Variants in RAB44 observed in about 807,000 individuals in gnomAD.
The protein encoded by RAB44 is RAB44, member RAS oncogene family.
In RAB44, 67 loss-of-function variants were observed where a neutral mutation model predicts 93.3. The observed-to-expected ratio is 0.72, with a 90% CI of 0.59 to 0.88. The LOEUF is 0.88. RAB44 is among the 40% of genes least tolerant of loss of function. The probability of loss-of-function intolerance (pLI) is 0.00; values close to 1 mark genes in which losing one functional copy is unlikely to be tolerated. For missense variants in RAB44, 1,064 were observed against 1,261.7 expected, an observed-to-expected ratio of 0.84 and a Z score of 2.37; for synonymous variants, 427 against 520.3, an observed-to-expected ratio of 0.82 and a Z score of 2.44.
intron 3 of RAB44, among the ~76,000 whole-genome samples, chr6:36,715,131 G>A (rs1762884176): frequency 6.8e-6 from 1 of 147,326 alleles, no homozygotes; most frequent in Admixed American, 6.7e-5. Flanking sequence ...TTTTCAACTC[G>A]CACTAGAATG....
rs964901355 is a variant in RAB44, at chr6:36,721,236, G to A, written c.1102G>A (p.Asp368Asn). 97 of 1,234,420 alleles carry A rather than the reference G, an allele frequency of 7.9e-5. No individual in the cohort carries two copies. Among genetic ancestry groups the A allele is most frequent in the African/African-American group, 3.4e-4 (22 of 64,610 alleles). The allele number at this position is 1,234,420 out of a possible 1,614,324, so 76.5% of individuals were successfully genotyped here. A position where few individuals can be genotyped will look rare whatever the true frequency, so the allele number is the denominator to read the frequency against. ...APLPGLFGDN[D>N]DWDQLLSNFG... ...CCTGCCTGGGCTATTTGGGGACAAC[G>A]ATGACTGGGACCAGCTACTGAGCAA... Residue 368 changes from aspartate to asparagine, a missense_variant, in exon 9 of 14, where the codon GAT becomes AAT. Coordinates refer to ENST00000612677, the MANE Select transcript of RAB44 (RefSeq NM_001257357.2).
rs991539440 is a variant in RAB44 at position 36,717,180 on chromosome 6, G to A, written c.495-93G>A. ...CCCAGGTGCCAAAGTCTCTTGGAGC[G>A]CTGCAGTGAAAACTGAGGAGTGGGG... On this transcript the variant is annotated intron_variant, in intron 4 of 13. Coordinates refer to ENST00000612677, the MANE Select transcript of RAB44 (RefSeq NM_001257357.2). This position sits in a 1 kb window ranked among gnomAD's most constrained non-coding sequence, Gnocchi z 4.1. 5.5e-5 allele frequency: 64 copies of A among 1,167,290 alleles called. No homozygotes were observed. The East Asian group carries it at 8.0e-4, about 15-fold the overall frequency. The allele number at this position is 1,167,290 out of a possible 1,614,324, so 72.3% of individuals were successfully genotyped here. A position where few individuals can be genotyped will look rare whatever the true frequency, so the allele number is the denominator to read the frequency against.
At chr6:36,722,755 G>T (rs2150338715) in intron 9 of RAB44, 22 bp downstream of exon 9, 1 of 1,550,122 alleles carries the variant, frequency 6.5e-7, no homozygotes, top group Non-Finnish European at 8.7e-7. Context: ...GGGGAGGGCG[G>T]CAGGGAGCAA....
rs966643998 is a variant in RAB44 at position 36,717,319 on chromosome 6, C to A, written c.541C>A (p.Pro181Thr). Residue 181 changes from proline (P) to threonine (T), a missense_variant, in exon 5 of 14, where the codon CCC becomes ACC. Physicochemically the swap from Pro to Thr is conservative, Grantham distance 38 (BLOSUM62 -1). Transcript: ENST00000612677. This position sits in a 1 kb window ranked among gnomAD's most constrained non-coding sequence, Gnocchi z 4.1. ...GTGGGGGCAGCTGCGGCAGGAGGAGCCCCAGCTGGCAGGCAACCTGGCAGG... is the reference window on the plus strand; with the variant it reads ...GTGGGGGCAGCTGCGGCAGGAGGAGACCCAGCTGGCAGGCAACCTGGCAGG... Reference protein sequence around the residue: ...QLWGQLRQEEPQLAGNLAGFL... With the variant: ...QLWGQLRQEETQLAGNLAGFL... 2 of 1,232,048 alleles carry A rather than the reference C, an allele frequency of 1.6e-6. No homozygotes were observed. Among genetic ancestry groups the A allele is most frequent in the Non-Finnish European group, 2.0e-6 (2 of 987,998 alleles). The allele number at this position is 1,232,048 out of a possible 1,614,324, so 76.3% of individuals were successfully genotyped here.
Position 36,727,584 on chromosome 6 carries a change from A to T in RAB44, c.2689A>T (p.Ser897Cys). ...TGCAGACTCTCTGGGCAGGTACCAC[A>T]GTATGACGCGACAGCTGCTCCGCAA... ...WDTAGQERYH[S>C]MTRQLLRKAD... The change falls in exon 11 of 14, where the codon AGT becomes TGT. Residue 897 changes from serine (S) to cysteine (C), a missense_variant. By Grantham distance (112) the Ser-to-Cys change is moderately radical (BLOSUM62 -1). Coordinates refer to ENST00000612677, the MANE Select transcript of RAB44 (RefSeq NM_001257357.2). The T allele has an allele frequency of 6.5e-7, 1 of 1,550,256 alleles. No individual in the cohort carries two copies. The highest frequency in any genetic ancestry group is 8.7e-7 in the Non-Finnish European group (1 of 1,146,732).
In RAB44 at chr6:36,730,784, C is replaced by G. The variant is rs13199451; in HGVS notation, c.2975+35C>G. ...GCCCGCCCCCCGCCGCCCCCACCCC[C>G]CCCCTTGCAGAATCCTCTGGGACAG... On this transcript the variant is annotated intron_variant, in intron 13 of 13. Coordinates refer to ENST00000612677, the MANE Select transcript of RAB44 (RefSeq NM_001257357.2). 9 of 1,097,004 alleles carry G rather than the reference C, an allele frequency of 8.2e-6. No homozygotes were observed. In the South Asian group the frequency reaches 1.4e-4, roughly 17 times the overall value. The allele number at this position is 1,097,004 out of a possible 1,614,324, so 68.0% of individuals were successfully genotyped here.
At chr6:36,704,501 C>A in intron 2 of RAB44, 59 bp downstream of exon 2, 2 of 1,472,302 alleles carry the variant, frequency 1.4e-6, no homozygotes, top group Non-Finnish European at 1.8e-6. Flanking sequence ...CTGACACCCC[C>A]TCTCCCCCAT....
rs914284309 is a variant in RAB44, at chr6:36,719,342, G to A, written c.828+754G>A. Among the ~76,000 whole-genome samples, 3 of 152,200 alleles carry A rather than the reference G, an allele frequency of 2.0e-5. No homozygotes were observed. In the East Asian group the frequency reaches 5.8e-4, roughly 29 times the overall value. ...CCTCTGCTGCTGCTCCTTGGAAATC[G>A]AGGCAGGCCCCTCCTGCCAAGTGAA... On this transcript the variant is annotated intron_variant, in intron 7 of 13. Coordinates refer to ENST00000612677, the MANE Select transcript of RAB44 (RefSeq NM_001257357.2).
At position 36,722,012 on chromosome 6, in the gene RAB44, G is replaced by A. The variant is rs925265445; in HGVS notation, c.1878G>A (p.Pro626=). 135 of 1,234,620 alleles carry A rather than the reference G, an allele frequency of 1.1e-4. No homozygotes were observed. Among genetic ancestry groups the A allele is most frequent in the Non-Finnish European group, 1.3e-4 (130 of 988,480 alleles). The allele number at this position is 1,234,620 out of a possible 1,614,324, so 76.5% of individuals were successfully genotyped here. A position where few individuals can be genotyped will look rare whatever the true frequency, so the allele number is the denominator to read the frequency against. The stretch of plus-strand genomic sequence containing the variant: ...TCCAGGGCCTGGAATTTGTGGGTCC[G>A]GTGCCCACAGAGAGGCTGGAGCAGG... ...EPFQGLEFVG[P]VPTERLEQGQ... Residue 626 remains proline, a synonymous_variant, in exon 9 of 14, where the codon CCG becomes CCA. Transcript: ENST00000612677.
At chr6:36,704,983 G>C (rs1762609155) in intron 2 of RAB44, among the ~76,000 whole-genome samples, 1 of 152,022 alleles carries the variant, frequency 6.6e-6, no homozygotes, top group Non-Finnish European at 1.5e-5. Context: ...AGCCAGGCAT[G>C]GTGGTAGGTG....
At chr6:36,713,699 G>C (rs1158138134) in intron 2 of RAB44, 129 bp from the exon 3 acceptor site, 1 of 662,020 alleles carries the variant, frequency 1.5e-6, no homozygotes, top group Non-Finnish European at 2.7e-6. Flanking sequence ...CCCTGGGTCA[G>C]GTTACTGGAG....
intron 2 of RAB44, among the ~76,000 whole-genome samples, chr6:36,709,560 G>T (rs950720369): frequency 5.9e-5 from 9 of 152,134 alleles, no homozygotes; most frequent in African/African-American, 1.7e-4. Flanking sequence ...TGTTGTTGTT[G>T]TTGCCGTTGT....
At chr6:36,725,096 T>G (rs57509416) in intron 9 of RAB44, among the ~76,000 whole-genome samples, 269 of 152,296 alleles carry the variant, frequency 1.8e-3, no homozygotes, top group African/African-American at 6.3e-3. Context: ...CCACCTACCT[T>G]AAAAGCCCTG....
At chr6:36,719,470 G>A (rs1442618313) in intron 7 of RAB44, among the ~76,000 whole-genome samples, 1 of 152,186 alleles carries the variant, frequency 6.6e-6, no homozygotes, top group Non-Finnish European at 1.5e-5. Context: ...TACTTATCCA[G>A]CACCAACTAT....
At chr6:36,716,034 T>C (rs1443998206) in intron 4 of RAB44, among the ~76,000 whole-genome samples, 2 of 152,208 alleles carry the variant, frequency 1.3e-5, no homozygotes, top group Non-Finnish European at 2.9e-5. Flanking sequence ...TGCAGGTGCC[T>C]TTCTTCACTC....
rs1409526204 is a variant in RAB44 at position 36,722,216 on chromosome 6, A to T, written c.2082A>T (p.Ser694=). The T allele has an allele frequency of 8.0e-7, 1 of 1,257,858 alleles. No individual in the cohort carries two copies. The allele number at this position is 1,257,858 out of a possible 1,614,324, so 77.9% of individuals were successfully genotyped here. ...RGGQDLSSEQ[S]EQSVEAHGLE... ...GGCAGGACCTCAGTTCAGAGCAGTC[A>T]GAGCAGTCGGTTGAGGCTCACGGCC... Residue 694 remains serine (S), a synonymous_variant, in exon 9 of 14, where the codon TCA becomes TCT. Coordinates refer to ENST00000612677, the MANE Select transcript of RAB44 (RefSeq NM_001257357.2).
Position 36,704,331 on chromosome 6 carries a change from A to AGT in RAB44, c.98_99dup (p.Ala34TrpfsTer52). 1 of 1,536,160 alleles carries AGT rather than the reference A, an allele frequency of 6.5e-7. No homozygotes were observed. The highest frequency in any genetic ancestry group is 1.4e-5 in the African/African-American group (1 of 73,172). On this transcript the variant is annotated frameshift_variant, in exon 2 of 14. Transcript: ENST00000612677. LOFTEE classifies it high-confidence loss of function. ...AGCCAGCTGATGGTGAAGGCGCTGC[A>AGT]GTGGCCCCAGAGCCAGAGTCTTGGT... is the stretch of plus-strand genomic sequence containing the variant.
chr6:36,730,591 C>T (rs890047723), intron 12 of RAB44, 82 bp from the exon 13 acceptor site: 25 of 874,224 alleles, frequency 2.9e-5, no homozygotes, highest in African/African-American at 7.0e-5. Flanking sequence ...CTCTGATGGC[C>T]GGGACTTTAG....
At position 36,717,067 on chromosome 6, in the gene RAB44, G is replaced by A. The variant is rs1413411860; in HGVS notation, c.495-206G>A. Among the ~76,000 whole-genome samples the A allele has an allele frequency of 1.3e-5, 2 of 152,186 alleles. No homozygotes were observed. The highest frequency in any genetic ancestry group is 2.9e-5 in the Non-Finnish European group (2 of 68,038). ...TCATAGAGAGACACAGTGTGGCGGG[G>A]GTTCGAGAAGGGAGAGGGCACATCT... On this transcript the variant is annotated intron_variant, in intron 4 of 13. Transcript: ENST00000612677. This position sits in a 1 kb window ranked among gnomAD's most constrained non-coding sequence, Gnocchi z 4.1.
Sources: allele counts gnomAD v4.1 joint callset (sites outside exome capture counted in the v4.1 genomes callset), GRCh38; gene constraint gnomAD v4.1.1; non-coding constraint Gnocchi (gnomAD v3.1); transcripts MANE v1.5; gene names NCBI Gene and HGNC (gene_info 2026-07-23, HGNC 2026-07-21).